Variants in YWHAH observed in about 807,000 individuals in gnomAD.
YWHAH encodes the protein 14-3-3 protein eta.
In YWHAH, 6 loss-of-function variants were observed where a neutral mutation model predicts 22.9. That is an observed-to-expected ratio of 0.26 (90% CI 0.14 to 0.52). The LOEUF (loss-of-function observed/expected upper bound fraction) is 0.52, where lower values mean the gene tolerates loss of function less well. Among genes scored for constraint, YWHAH ranks in the 20% least tolerant of loss-of-function variants. The pLI is 0.97. For synonymous variants in YWHAH, 135 were observed against 124.5 expected (o/e 1.08, Z -0.56); for missense variants, 173 against 308.6 (o/e 0.56, Z 3.29).
At chr22:31,949,004 C>T (rs143151753) in intron 1 of YWHAH, among the ~76,000 whole-genome samples, 1 of 152,052 alleles carries the variant, frequency 6.6e-6, no homozygotes, top group Non-Finnish European at 1.5e-5. Context: ...TTTAGTTGGT[C>T]TTTGTCTGGG....
At chr22:31,947,963 C>G (rs1158238864) in intron 1 of YWHAH, among the ~76,000 whole-genome samples, 7 of 152,176 alleles carry the variant, frequency 4.6e-5, no homozygotes, top group African/African-American at 1.7e-4. Context: ...GTAAAAATTA[C>G]TGGGCTAGCA....
chr22:31,951,314 C>A (rs776791177), intron 1 of YWHAH, among the ~76,000 whole-genome samples: 1 of 152,170 alleles, frequency 6.6e-6, no homozygotes, highest in Non-Finnish European at 1.5e-5. Context: ...TCATGAGAAT[C>A]ATTTACTCAT....
chr22:31,950,635 T>G (rs1229503099), intron 1 of YWHAH, among the ~76,000 whole-genome samples: 1 of 152,202 alleles, frequency 6.6e-6, no homozygotes, highest in African/African-American at 2.4e-5. Context: ...TGACTAAAAT[T>G]TAGCTTAGAG....
At position 31,944,790 on chromosome 22, in the gene YWHAH, C is replaced by G. The variant is rs2149465582; in HGVS notation, c.57C>G (p.Arg19=). 32 of 1,419,820 alleles carry G rather than the reference C, an allele frequency of 2.3e-5. No homozygotes were observed. Among genetic ancestry groups the G allele is most frequent in the Non-Finnish European group, 2.9e-5 (31 of 1,081,068 alleles). The allele number at this position is 1,419,820 out of a possible 1,614,324, so 88.0% of individuals were successfully genotyped here. Residue 19 remains arginine, a synonymous_variant, in exon 1 of 2, where the codon CGC becomes CGG. Coordinates refer to ENST00000248975, the MANE Select transcript of YWHAH (RefSeq NM_003405.4). ...QRARLAEQAE[R]YDDMASAMKA... ...CGCGGCTGGCCGAGCAGGCGGAGCG[C>G]TACGACGACATGGCCTCCGCTATGA...
intron 1 of YWHAH, 124 bp downstream of exon 1, chr22:31,944,944 C>G: frequency 2.0e-6 from 2 of 1,025,254 alleles, no homozygotes; most frequent in Non-Finnish European, 2.3e-6. Flanking sequence ...TGGGCGTGGC[C>G]GCCCGCCCGC....
rs979700263 is a variant in YWHAH, at chr22:31,945,813, C to G, written c.87+993C>G. The G allele has an allele frequency of 4.6e-6, 3 of 654,042 alleles. No homozygotes were observed. In the African/African-American group the frequency reaches 5.7e-5, roughly 12 times the overall value. The allele number at this position is 654,042 out of a possible 1,614,324, so 40.5% of individuals were successfully genotyped here. The stretch of plus-strand genomic sequence containing the variant: ...GAACTCCGCCTTAGACCTATACATT[C>G]AGAAATTCGGGCGGTGAGACTCAGA... On this transcript the variant is annotated intron_variant, in intron 1 of 1. Coordinates refer to ENST00000248975, the MANE Select transcript of YWHAH (RefSeq NM_003405.4).
Position 31,951,419 on chromosome 22 carries a change from C to T in YWHAH, c.88-4720C>T, listed in dbSNP as rs763963467. 8.5e-5 allele frequency among the ~76,000 whole-genome samples: 13 copies of T among 152,232 alleles called. No homozygotes were observed. In the Middle Eastern group the frequency reaches 0.01, roughly 119 times the overall value. ...GAGCTGTGAAGGATGGCAGCATATT[C>T]GAGTGAGGTAGCATTACCCCTAACT... is the stretch of plus-strand genomic sequence containing the variant. On this transcript the variant is annotated intron_variant, in intron 1 of 1. Coordinates refer to ENST00000248975, the MANE Select transcript of YWHAH (RefSeq NM_003405.4).
At chr22:31,952,215 A>G (rs2093844190) in intron 1 of YWHAH, among the ~76,000 whole-genome samples, 1 of 152,246 alleles carries the variant, frequency 6.6e-6, no homozygotes, top group Admixed American at 6.5e-5. Context: ...GATCTTAGGT[A>G]GCATGGTCGG....
chr22:31,946,657 A>G (rs1025690396), intron 1 of YWHAH, among the ~76,000 whole-genome samples: 13 of 152,218 alleles, frequency 8.5e-5, no homozygotes, highest in Admixed American at 8.5e-4. Context: ...ACAATCAGAA[A>G]CCTGAGGCAA....
Position 31,956,176 on chromosome 22 carries a change from G to A in YWHAH, c.125G>A (p.Arg42Gln), listed in dbSNP as rs1173891752. 2.5e-6 allele frequency: 4 copies of A among 1,613,408 alleles called. No homozygotes were observed. The highest frequency in any genetic ancestry group is 1.3e-5 in the African/African-American group (1 of 74,822). The change falls in exon 2 of 2, where the codon CGA becomes CAA. Residue 42 changes from arginine (R) to glutamine (Q), a missense_variant. By Grantham distance (43) the Arg-to-Gln change is conservative. Coordinates refer to ENST00000248975, the MANE Select transcript of YWHAH (RefSeq NM_003405.4). This position sits in a 1 kb window ranked among gnomAD's most constrained non-coding sequence, Gnocchi z 5.1. ...ELNEPLSNED[R>Q]NLLSVAYKNV... is the part of the protein sequence containing the mutation. ...AATGAACCTCTCTCCAATGAAGATC[G>A]AAATCTCCTCTCTGTGGCCTACAAG...
intron 1 of YWHAH, chr22:31,950,564 C>G: frequency 2.0e-6 from 1 of 510,022 alleles, no homozygotes; most frequent in Non-Finnish European, 3.5e-6. Flanking sequence ...TGAAAATGTT[C>G]AGTTATGTCA....
intron 1 of YWHAH, among the ~76,000 whole-genome samples, chr22:31,954,600 G>A (rs773012798): frequency 6.1e-4 from 93 of 152,230 alleles, no homozygotes; most frequent in Non-Finnish European, 1.1e-3. Flanking sequence ...GTGAGGTGTA[G>A]GCAGGCCACG....
At chr22:31,946,460 G>A (rs1388122449) in intron 1 of YWHAH, among the ~76,000 whole-genome samples, 1 of 152,134 alleles carries the variant, frequency 6.6e-6, no homozygotes, top group Non-Finnish European at 1.5e-5. Context: ...AGTGGTGCTG[G>A]GATTATGCAG....
At chr22:31,952,786 A>G (rs1369265183) in intron 1 of YWHAH, among the ~76,000 whole-genome samples, 2 of 152,248 alleles carry the variant, frequency 1.3e-5, no homozygotes, top group Non-Finnish European at 2.9e-5. Context: ...CTGATGGAGA[A>G]AGAATATGCT....
chr22:31,956,027 A>G lies in YWHAH; in HGVS notation c.88-112A>G. On this transcript the variant is annotated intron_variant, in intron 1 of 1. Transcript: ENST00000248975. The surrounding 1 kb of genome is among the most constrained non-coding windows in gnomAD (Gnocchi z 5.1). The stretch of plus-strand genomic sequence containing the variant: ...TGGTTTTTATTCTCCAGAGTGACTG[A>G]CCTGTTCGTAATTCCGTTCTTGAGA... 7.9e-7 allele frequency: 1 copy of G among 1,260,722 alleles called. No homozygotes were observed. The highest frequency in any genetic ancestry group is 1.5e-5 in the South Asian group (1 of 66,646). The allele number at this position is 1,260,722 out of a possible 1,614,324, so 78.1% of individuals were successfully genotyped here. A position where few individuals can be genotyped will look rare whatever the true frequency, so the allele number is the denominator to read the frequency against.
chr22:31,944,837 C>T lies in YWHAH; in HGVS notation c.87+17C>T, dbSNP rs948033600. ...ATGAAGGCGGTGAGCGCGCCGGGAG[C>T]CCGGGCGGCTGGCCGGGGGGGGCCT... On this transcript the variant is annotated intron_variant, in intron 1 of 1. Coordinates refer to ENST00000248975, the MANE Select transcript of YWHAH (RefSeq NM_003405.4). 25 of 1,357,542 alleles carry T rather than the reference C, an allele frequency of 1.8e-5. No individual in the cohort carries two copies. Among genetic ancestry groups the T allele is most frequent in the African/African-American group, 1.5e-4 (9 of 61,662 alleles). The allele number at this position is 1,357,542 out of a possible 1,614,324, so 84.1% of individuals were successfully genotyped here.
intron 1 of YWHAH, among the ~76,000 whole-genome samples, chr22:31,954,253 T>C (rs1331256702): frequency 3.9e-5 from 6 of 152,220 alleles, no homozygotes; most frequent in Non-Finnish European, 5.9e-5. Context: ...TCCTAAGTGC[T>C]TTGCTTTCTT....
intron 1 of YWHAH, among the ~76,000 whole-genome samples, chr22:31,954,955 T>C (rs1603054780): frequency 6.6e-6 from 1 of 152,218 alleles, no homozygotes; most frequent in East Asian, 1.9e-4. Flanking sequence ...CAAAGTCTAA[T>C]AATGCTCTTC....
In YWHAH at chr22:31,956,309, G is replaced by C. The variant is rs1305432128; in HGVS notation, c.258G>C (p.Arg86=). The change falls in exon 2 of 2, where the codon CGG becomes CGC. Residue 86 remains arginine (R), a synonymous_variant. Transcript: ENST00000248975. This position sits in a 1 kb window ranked among gnomAD's most constrained non-coding sequence, Gnocchi z 5.1. ...EKKLEKVKAY[R]EKIEKELETV... Reference sequence around the variant, plus strand: ...AATTGGAGAAAGTTAAAGCTTACCGGGAGAAGATTGAGAAGGAGCTGGAGA... The same window carrying C: ...AATTGGAGAAAGTTAAAGCTTACCGCGAGAAGATTGAGAAGGAGCTGGAGA... 4 of 1,614,136 alleles carry C rather than the reference G, an allele frequency of 2.5e-6. No homozygotes were observed. In the South Asian group the frequency reaches 4.4e-5, roughly 18 times the overall value.
Sources: allele counts gnomAD v4.1 joint callset (sites outside exome capture counted in the v4.1 genomes callset), GRCh38; gene constraint gnomAD v4.1.1; non-coding constraint Gnocchi (gnomAD v3.1); transcripts MANE v1.5; gene names NCBI Gene and HGNC (gene_info 2026-07-23, HGNC 2026-07-21).